The following MCTP2 variants were observed in gnomAD, a reference collection of about 807,000 sequenced individuals.
The protein encoded by MCTP2 is multiple C2 and transmembrane domain-containing protein 2.
Under a neutral mutation model 111.6 loss-of-function variants are expected in MCTP2, and 132 were observed. The ratio of observed to expected loss-of-function variants is 1.18; its 90% confidence interval spans 1.03 to 1.37. The LOEUF is 1.37. MCTP2 is among the 40% of genes most tolerant of loss of function. The pLI is 0.00. For synonymous variants in MCTP2, 395 were observed against 387.7 expected (o/e 1.02, Z -0.22); for missense variants, 1,183 against 1,067.9 (o/e 1.11, Z -1.50).
At chr15:94,315,468 CT>C in intron 3 of MCTP2, 60 bp from the exon 4 acceptor site, 1 of 1,237,916 alleles carries the variant, frequency 8.1e-7, no homozygotes, top group Non-Finnish European at 1.2e-6. Flanking sequence ...AGAAGTATTT[CT>C]GAAATTCTCT....
intron 19 of MCTP2, among the ~76,000 whole-genome samples, chr15:94,456,598 T>C (rs2084851773): frequency 6.6e-6 from 1 of 152,244 alleles, no homozygotes; most frequent in African/African-American, 2.4e-5. Context: ...GCATATCTAA[T>C]TTGTAGCACA....
In MCTP2 at chr15:94,356,170, T is replaced by C; in HGVS notation, c.1039T>C (p.Ser347Pro). The change falls in exon 9 of 23, where the codon TCC becomes CCC. Residue 347 changes from serine to proline, a missense_variant. Physicochemically the swap from Ser to Pro is moderately conservative, Grantham distance 74 (BLOSUM62 -1). Transcript: ENST00000357742. ...SLIRNLRLSE[S>P]LKKNQLWNGI... The stretch of plus-strand genomic sequence containing the variant: ...GATACGCAACCTACGGCTCTCTGAG[T>C]CCTTGAAAAAGAACCAACTCTGGAA... The C allele has an allele frequency of 6.2e-7, 1 of 1,612,032 alleles. No individual in the cohort carries two copies. Among genetic ancestry groups the C allele is most frequent in the Non-Finnish European group, 8.5e-7 (1 of 1,179,030 alleles).
chr15:94,459,240 A>G (rs1382136100), intron 20 of MCTP2, among the ~76,000 whole-genome samples: 1 of 152,204 alleles, frequency 6.6e-6, no homozygotes, highest in Non-Finnish European at 1.5e-5. Context: ...CTTTAAGAAT[A>G]TATTGTTTTG....
chr15:94,318,180 T>C (rs1375180541), intron 4 of MCTP2, among the ~76,000 whole-genome samples: 1 of 152,164 alleles, frequency 6.6e-6, no homozygotes, highest in Non-Finnish European at 1.5e-5. Context: ...TAGAAGAGTG[T>C]TCTAGAGAGT....
At chr15:94,253,995 G>T (rs767309162) in intron 1 of MCTP2, among the ~76,000 whole-genome samples, 1 of 152,142 alleles carries the variant, frequency 6.6e-6, no homozygotes, top group African/African-American at 2.4e-5. Flanking sequence ...ATAGATCAAG[G>T]TTGCACATAT....
chr15:94,311,190 A>T (rs2076119968), intron 2 of MCTP2, among the ~76,000 whole-genome samples: 1 of 151,320 alleles, frequency 6.6e-6, no homozygotes, highest in Non-Finnish European at 1.5e-5. Flanking sequence ...ACACCCGGCT[A>T]ATTTTTGTAT....
At chr15:94,389,378 C>T (rs182168681) in intron 14 of MCTP2, among the ~76,000 whole-genome samples, 47 of 151,962 alleles carry the variant, frequency 3.1e-4, no homozygotes, top group Non-Finnish European at 5.7e-4. Context: ...AGGGAGGTCT[C>T]GGTTACTGTT....
At chr15:94,236,382 T>A in intron 1 of MCTP2, among the ~76,000 whole-genome samples, 1 of 90,788 alleles carries the variant, frequency 1.1e-5, no homozygotes, top group East Asian at 2.9e-4. Context: ...TTTTTCTTTT[T>A]TTTTTTTTTT....
intron 1 of MCTP2, among the ~76,000 whole-genome samples, chr15:94,252,104 C>G (rs2152269047): frequency 1.3e-5 from 2 of 152,306 alleles, no homozygotes; most frequent in South Asian, 4.1e-4. Context: ...ATTTAAGTCC[C>G]TGCTTTCGTT....
chr15:94,341,610 G>A (rs1337266698), intron 7 of MCTP2: 1 of 152,084 alleles, frequency 6.6e-6, no homozygotes, highest in Non-Finnish European at 1.5e-5. Context: ...GAGGCAGTGG[G>A]GTGGGTGAGG....
At chr15:94,249,508 C>T (rs1476805914) in intron 1 of MCTP2, among the ~76,000 whole-genome samples, 3 of 148,278 alleles carry the variant, frequency 2.0e-5, no homozygotes, top group African/African-American at 7.5e-5. Flanking sequence ...TTTTTTGAGA[C>T]GGAGTCTCAC....
intron 12 of MCTP2, 30 bp downstream of exon 12, chr15:94,370,210 C>G (rs748920685): frequency 1.9e-6 from 3 of 1,551,158 alleles, no homozygotes; most frequent in Admixed American, 1.8e-5. Context: ...TCTAATTTAT[C>G]TTTATTTATT....
At chr15:94,448,495 C>T (rs796144234) in intron 19 of MCTP2, among the ~76,000 whole-genome samples, 4 of 152,202 alleles carry the variant, frequency 2.6e-5, no homozygotes, top group African/African-American at 7.2e-5. Flanking sequence ...ACTTGAAATC[C>T]AAAATGCCCC....
Position 94,358,483 on chromosome 15 carries a change from C to T in MCTP2, c.1172C>T (p.Thr391Ile). 6.2e-7 allele frequency: 1 copy of T among 1,610,416 alleles called. No homozygotes were observed. The highest frequency in any genetic ancestry group is 8.5e-7 in the Non-Finnish European group (1 of 1,178,260). ...ATATTATAACTGCATGTTTTCTAGA[C>T]ACTGTGTAAGAGTGCAAATCCGCAG... Reference protein sequence around the residue: ...KLGDQRYKSKTLCKSANPQWQ... With the variant: ...KLGDQRYKSKILCKSANPQWQ... The change falls in exon 10 of 23, where the codon ACA becomes ATA. Residue 391 changes from threonine to isoleucine, a missense_variant and splice_region_variant. By Grantham distance (89) the Thr-to-Ile change is moderately conservative. Transcript: ENST00000357742.
intron 4 of MCTP2, among the ~76,000 whole-genome samples, chr15:94,325,968 C>T (rs979863637): frequency 8.6e-5 from 13 of 151,374 alleles, no homozygotes; most frequent in East Asian, 5.8e-4. Context: ...TACAGGCATG[C>T]GCCACCATGC....
intron 1 of MCTP2, chr15:94,278,201 A>G (rs1399625286): frequency 6.6e-6 from 1 of 152,178 alleles, no homozygotes; most frequent in Non-Finnish European, 1.5e-5. Flanking sequence ...AGCAAAGAAA[A>G]TAGGAACCAA....
At chr15:94,243,772 T>C (rs1233781595) in intron 1 of MCTP2, among the ~76,000 whole-genome samples, 1 of 148,224 alleles carries the variant, frequency 6.7e-6, no homozygotes, top group East Asian at 2.0e-4. Context: ...TGTATATATT[T>C]ATGAACATAT....
intron 17 of MCTP2, among the ~76,000 whole-genome samples, chr15:94,416,674 A>T (rs2082393546): frequency 1.3e-5 from 2 of 152,328 alleles, no homozygotes; most frequent in Non-Finnish European, 2.9e-5. Context: ...CGATGGCTTT[A>T]GTGCCCTTGC....
At chr15:94,257,049 T>C (rs2072819931) in intron 1 of MCTP2, among the ~76,000 whole-genome samples, 1 of 152,142 alleles carries the variant, frequency 6.6e-6, no homozygotes, top group South Asian at 2.1e-4. Context: ...TCTGACATCA[T>C]CTTATTCTGT....
Sources: gnomAD v4.1 joint callset for allele counts (sites outside exome capture counted in the v4.1 genomes callset) on GRCh38, gnomAD v4.1.1 for gene constraint, MANE v1.5 for transcripts, NCBI Gene and HGNC (gene_info 2026-07-23, HGNC 2026-07-21) for gene names.